CYTIP: variants seen among roughly 807,000 people sequenced by gnomAD.
CYTIP encodes cytohesin-interacting protein.
CYTIP carries 26 observed loss-of-function variants against 43.8 expected under a neutral mutation model. That is an observed-to-expected ratio of 0.59 (90% CI 0.44 to 0.82). The LOEUF is 0.82. Among genes scored for constraint, CYTIP ranks in the 40% least tolerant of loss-of-function variants. The probability of loss-of-function intolerance (pLI) is 0.00; values close to 1 mark genes in which losing one functional copy is unlikely to be tolerated. For synonymous variants in CYTIP, 162 were observed against 162.9 expected (o/e 0.99, Z 0.04); for missense variants, 426 against 443.1 (o/e 0.96, Z 0.35).
At chr2:157,429,408 C>T (rs1437286987) in intron 5 of CYTIP, among the ~76,000 whole-genome samples, 2 of 152,172 alleles carry the variant, frequency 1.3e-5, no homozygotes, top group Admixed American at 1.3e-4. Context: ...AACTAGCAGC[C>T]TTCTTACCTA....
intron 1 of CYTIP, among the ~76,000 whole-genome samples, chr2:157,440,575 C>T (rs527535197): frequency 4.6e-5 from 7 of 152,224 alleles, no homozygotes; most frequent in East Asian, 3.9e-4. Flanking sequence ...CCGGACACAC[C>T]GTGAAAGCTC....
At position 157,418,694 on chromosome 2, in the gene CYTIP, T is replaced by A. The variant is rs557363853; in HGVS notation, c.547-105A>T. The A allele has an allele frequency of 6.8e-4, 731 of 1,081,322 alleles. 9 individuals carry two copies. In the African/African-American group the frequency reaches 0.011, roughly 16 times the overall value. 67.0% of individuals were successfully genotyped at this position (1,081,322 alleles called of 1,614,324 possible). On this transcript the variant is annotated intron_variant, in intron 6 of 7. Transcript: ENST00000264192. The stretch of plus-strand genomic sequence containing the variant: ...GAGATTTGTCATTAAATTTTTTACC[T>A]TTCTTTCTAGTACTACCATTCCATC...
At chr2:157,417,037 T>A (rs905433319) in intron 7 of CYTIP, among the ~76,000 whole-genome samples, 3 of 151,886 alleles carry the variant, frequency 2.0e-5, no homozygotes, top group African/African-American at 7.3e-5. Context: ...AAAAACGTAA[T>A]CAGTAAGTGA....
intron 2 of CYTIP, 134 bp from the exon 3 acceptor site, chr2:157,434,558 G>T: frequency 1.1e-6 from 1 of 890,660 alleles, no homozygotes. Flanking sequence ...GTAAGATTCT[G>T]TGTGTGTGTC....
intron 1 of CYTIP, 92 bp from the exon 2 acceptor site, chr2:157,434,839 TCTCTCTCTCTCACACACACACACACA>T (rs1685784145): frequency 5.7e-5 from 27 of 470,946 alleles, no homozygotes; most frequent in South Asian, 4.1e-4. Flanking sequence ...TCTCTCTCTC[TCTCTCTCTCTCACACACACACACACA>T]CACACACACA....
At chr2:157,425,303 C>CTA (rs1403755780) in intron 6 of CYTIP, among the ~76,000 whole-genome samples, 10 of 152,124 alleles carry the variant, frequency 6.6e-5, no homozygotes, top group African/African-American at 2.2e-4. Context: ...GAAGGAAGGA[C>CTA]TATAGCAAGA....
chr2:157,429,113 G>A (rs1685658244), intron 5 of CYTIP, among the ~76,000 whole-genome samples: 1 of 152,196 alleles, frequency 6.6e-6, no homozygotes, highest in African/African-American at 2.4e-5. Context: ...ACCTCAATCA[G>A]AATAAAACCC....
intron 7 of CYTIP, among the ~76,000 whole-genome samples, chr2:157,416,769 A>T (rs1334487280): frequency 6.6e-6 from 1 of 152,210 alleles, no homozygotes; most frequent in East Asian, 1.9e-4. Context: ...AATTCTCTGG[A>T]ATGATACTGT....
chr2:157,423,169 T>C (rs1256941697), intron 6 of CYTIP, among the ~76,000 whole-genome samples: 1 of 152,050 alleles, frequency 6.6e-6, no homozygotes, highest in Non-Finnish European at 1.5e-5. Flanking sequence ...CTAATTGCAT[T>C]GTAGTAAAAC....
At chr2:157,425,122 A>G (rs1241770681) in intron 6 of CYTIP, among the ~76,000 whole-genome samples, 1 of 152,220 alleles carries the variant, frequency 6.6e-6, no homozygotes, top group Non-Finnish European at 1.5e-5. Context: ...ATTACCTGCC[A>G]AAAATAATTA....
At chr2:157,435,214 G>T (rs1685792071) in intron 1 of CYTIP, among the ~76,000 whole-genome samples, 1 of 152,078 alleles carries the variant, frequency 6.6e-6, no homozygotes, top group Admixed American at 6.6e-5. Flanking sequence ...ACTTAGAATG[G>T]CATATGAAAC....
At chr2:157,434,584 G>T (rs756423853) in intron 2 of CYTIP, 114 bp downstream of exon 2, 6 of 800,074 alleles carry the variant, frequency 7.5e-6, no homozygotes, top group Middle Eastern at 3.5e-4. Context: ...GTGTGCGTCT[G>T]TGTGTGTGCG....
intron 1 of CYTIP, among the ~76,000 whole-genome samples, chr2:157,439,566 C>G (rs1036324960): frequency 2.0e-5 from 3 of 152,124 alleles, no homozygotes; most frequent in African/African-American, 7.2e-5. Flanking sequence ...CAGTCAGAGC[C>G]TTTTCTAAGG....
intron 1 of CYTIP, 30 bp downstream of exon 1, chr2:157,443,817 A>G (rs1185126438): frequency 6.2e-7 from 1 of 1,602,936 alleles, no homozygotes; most frequent in East Asian, 2.2e-5. Flanking sequence ...GAATGTGAAC[A>G]CTCTAAAGGG....
intron 3 of CYTIP, 182 bp downstream of exon 3, chr2:157,434,188 T>C (rs1390805623): frequency 3.1e-6 from 2 of 640,368 alleles, no homozygotes; most frequent in Non-Finnish European, 5.6e-6. Context: ...TCATCTTCAA[T>C]GTTTTCTTTC....
At chr2:157,430,022 CAA>C (rs768455650) in intron 5 of CYTIP, among the ~76,000 whole-genome samples, 6 of 52,682 alleles carry the variant, frequency 1.1e-4, no homozygotes, top group Admixed American at 6.0e-4. Context: ...GACTCCGTCT[CAA>C]AAAAAAAAAA....
At chr2:157,431,276 C>T (rs1244411408) in intron 3 of CYTIP, among the ~76,000 whole-genome samples, 1 of 152,124 alleles carries the variant, frequency 6.6e-6, no homozygotes, top group Non-Finnish European at 1.5e-5. Context: ...TCTCATTTCC[C>T]AATGGGATAA....
intron 2 of CYTIP, 56 bp downstream of exon 2, chr2:157,434,642 G>A: frequency 7.5e-7 from 1 of 1,338,266 alleles, no homozygotes; most frequent in Non-Finnish European, 1.1e-6. Context: ...AAACAGTCTG[G>A]AGAGCTATGT....
rs533477854 is a variant in CYTIP, at chr2:157,435,806, GC to G, written c.175-1060del. On this transcript the variant is annotated intron_variant, in intron 1 of 7. Transcript: ENST00000264192. ...TCAATGCATAGTCAGTCCAGACAAA[GC>G]AAAATAAAATAAGTAAAGGATGAAA... 6.4e-4 allele frequency among the ~76,000 whole-genome samples: 98 copies of G among 152,192 alleles called. 1 individual carries two copies. The highest frequency in any genetic ancestry group is 5.6e-3 in the Admixed American group (86 of 15,290).
Sources: gnomAD v4.1 joint callset for allele counts (sites outside exome capture counted in the v4.1 genomes callset) on GRCh38, gnomAD v4.1.1 for gene constraint, MANE v1.5 for transcripts, NCBI Gene and HGNC (gene_info 2026-07-23, HGNC 2026-07-21) for gene names.